BCAS4: variants seen among roughly 807,000 people sequenced by gnomAD.
The protein encoded by BCAS4 is breast carcinoma amplified sequence 4.
In BCAS4, 9 loss-of-function variants were observed where a neutral mutation model predicts 15.7. The observed-to-expected ratio is 0.57, with a 90% CI of 0.34 to 1.00. The LOEUF is 1.00. Among genes scored for constraint, BCAS4 ranks in the 50% least tolerant of loss-of-function variants. The pLI, the probability that BCAS4 is intolerant of heterozygous loss-of-function variation, is 0.02. For synonymous variants in BCAS4, 101 were observed against 99.5 expected, an observed-to-expected ratio of 1.02 and a Z score of -0.09; for missense variants, 225 against 239.1, an observed-to-expected ratio of 0.94 and a Z score of 0.39.
Position 50,866,933 on chromosome 20 carries a change from C to T in BCAS4, c.400-9553C>T, listed in dbSNP as rs548657559. Among the ~76,000 whole-genome samples, 72 of 152,120 alleles carry T rather than the reference C, an allele frequency of 4.7e-4. 1 individual carries two copies. The highest frequency in any genetic ancestry group is 8.7e-4 in the Non-Finnish European group (59 of 68,024). On this transcript the variant is annotated intron_variant, in intron 4 of 4. Transcript: ENST00000371608. ...CTCTGTGACCTTTCAGGTCCCATCG[C>T]GGGCCGGGCACTCTGTAAATGCTCC...
intron 4 of BCAS4, among the ~76,000 whole-genome samples, chr20:50,860,005 A>G (rs1978988593): frequency 6.6e-6 from 1 of 152,160 alleles, no homozygotes; most frequent in Admixed American, 6.5e-5. Context: ...GCATAGTAGC[A>G]TATGTCTGGG....
intron 4 of BCAS4, among the ~76,000 whole-genome samples, chr20:50,870,231 A>T (rs956750007): frequency 2.0e-5 from 3 of 152,226 alleles, no homozygotes; most frequent in African/African-American, 4.8e-5. Context: ...ACCCTGACCC[A>T]AAAACCAGGC....
rs1979977597 is a variant in BCAS4 at position 50,876,810 on chromosome 20, G to A, written c.*202G>A. 1 of 579,870 alleles carries A rather than the reference G, an allele frequency of 1.7e-6. No homozygotes were observed. Among genetic ancestry groups the A allele is most frequent in the East Asian group, 4.4e-5 (1 of 22,606 alleles). The allele number at this position is 579,870 out of a possible 1,614,324, so 35.9% of individuals were successfully genotyped here. A position where few individuals can be genotyped will look rare whatever the true frequency, so the allele number is the denominator to read the frequency against. On this transcript the variant is annotated 3_prime_UTR_variant, in exon 5 of 5. Coordinates refer to ENST00000371608, the MANE Select transcript of BCAS4 (RefSeq NM_198799.4). ...CCACCCACCTTGGCCTTCCAAAGTGGTGGGATTATGGGCAGGAGCCTCCGT... is the reference window on the plus strand; with the variant it reads ...CCACCCACCTTGGCCTTCCAAAGTGATGGGATTATGGGCAGGAGCCTCCGT...
intron 4 of BCAS4, among the ~76,000 whole-genome samples, chr20:50,857,209 G>A (rs1024668586): frequency 3.3e-5 from 5 of 152,100 alleles, no homozygotes; most frequent in Non-Finnish European, 7.4e-5. Flanking sequence ...TCAGCTCACC[G>A]CAACCTGGGC....
intron 3 of BCAS4, among the ~76,000 whole-genome samples, chr20:50,834,520 C>G (rs2088383710): frequency 6.6e-6 from 1 of 152,096 alleles, no homozygotes; most frequent in Non-Finnish European, 1.5e-5. Context: ...GTCTCGAACT[C>G]CTGACCTCAA....
chr20:50,842,940 T>C (rs895665740), intron 4 of BCAS4, among the ~76,000 whole-genome samples: 1 of 152,134 alleles, frequency 6.6e-6, no homozygotes, highest in Non-Finnish European at 1.5e-5. Context: ...TTATCTCCAC[T>C]TTATCACAGC....
intron 4 of BCAS4, among the ~76,000 whole-genome samples, chr20:50,856,827 G>A (rs560445818): frequency 6.6e-6 from 1 of 152,076 alleles, no homozygotes. Context: ...CACCTACTGT[G>A]TGCCAGGCCC....
At chr20:50,831,716 C>G (rs1267009372) in intron 3 of BCAS4, among the ~76,000 whole-genome samples, 1 of 152,122 alleles carries the variant, frequency 6.6e-6, no homozygotes, top group Non-Finnish European at 1.5e-5. Context: ...TGCAGACACT[C>G]TTCATCCACC....
chr20:50,876,258 CTCT>C (rs1398239972), intron 4 of BCAS4, among the ~76,000 whole-genome samples: 1 of 152,162 alleles, frequency 6.6e-6, no homozygotes, highest in East Asian at 1.9e-4. Flanking sequence ...GGCTGCCTGG[CTCT>C]TCTTGATGCC....
intron 4 of BCAS4, among the ~76,000 whole-genome samples, chr20:50,863,153 A>G (rs1386803370): frequency 6.6e-6 from 1 of 151,244 alleles, no homozygotes; most frequent in African/African-American, 2.4e-5. Flanking sequence ...TGAATGGATA[A>G]CAGCTGCCTG....
chr20:50,830,130 T>A (rs2088325751), intron 2 of BCAS4, 149 bp from the exon 3 acceptor site: 3 of 638,786 alleles, frequency 4.7e-6, no homozygotes, highest in Non-Finnish European at 8.1e-6. Flanking sequence ...CCTGGGGCTC[T>A]GAGTTGTTCT....
In BCAS4 at chr20:50,876,634, G is replaced by A. The variant is rs6091229; in HGVS notation, c.*26G>A. The A allele has an allele frequency of 0.026, 41,220 of 1,611,344 alleles. 4,041 individuals are homozygous for A. In the African/African-American group the frequency reaches 0.29, roughly 11 times the overall value. ...GCTTTGTGGTCTTCCCATCAGGAAC[G>A]CTGGAAAGTGACATTGTGTACACAC... On this transcript the variant is annotated 3_prime_UTR_variant, in exon 5 of 5. Transcript: ENST00000371608.
chr20:50,806,374 T>C (rs561285475), intron 1 of BCAS4, among the ~76,000 whole-genome samples: 2 of 152,322 alleles, frequency 1.3e-5, no homozygotes, highest in African/African-American at 4.8e-5. Context: ...TTCTCTCTCT[T>C]TCTCCCTTTC....
At chr20:50,798,544 C>G (rs1345835127) in intron 1 of BCAS4, among the ~76,000 whole-genome samples, 1 of 152,096 alleles carries the variant, frequency 6.6e-6, no homozygotes, top group Non-Finnish European at 1.5e-5. Flanking sequence ...AAAGCATATC[C>G]AAAATATTTC....
At chr20:50,799,576 C>T (rs537647439) in intron 1 of BCAS4, among the ~76,000 whole-genome samples, 1 of 152,210 alleles carries the variant, frequency 6.6e-6, no homozygotes, top group Non-Finnish European at 1.5e-5. Context: ...TTTGCCGCTT[C>T]CATGGAGCAG....
chr20:50,834,728 G>A lies in BCAS4; in HGVS notation c.264+4348G>A, dbSNP rs545348936. ...TATTAGCAACCATTCCCCAGCCCCC[G>A]GCTCTGGCAACCACTCATCTACTTT... On this transcript the variant is annotated intron_variant, in intron 3 of 4. Coordinates refer to ENST00000371608, the MANE Select transcript of BCAS4 (RefSeq NM_198799.4). Among the ~76,000 whole-genome samples, 240 of 152,268 alleles carry A rather than the reference G, an allele frequency of 1.6e-3. 1 individual carries two copies. The highest frequency in any genetic ancestry group is 2.7e-3 in the Non-Finnish European group (181 of 68,022).
intron 3 of BCAS4, among the ~76,000 whole-genome samples, chr20:50,840,201 A>C (rs2088459551): frequency 6.6e-6 from 1 of 152,038 alleles, no homozygotes; most frequent in South Asian, 2.1e-4. Context: ...ATTTATTTTA[A>C]TTTTATTTAT....
chr20:50,857,043 T>A (rs372508358), intron 4 of BCAS4, among the ~76,000 whole-genome samples: 1 of 152,274 alleles, frequency 6.6e-6, no homozygotes, highest in East Asian at 1.9e-4. Context: ...ACGTTTGTGC[T>A]GTTCACAAGC....
chr20:50,831,953 G>C (rs1198163727), intron 3 of BCAS4, among the ~76,000 whole-genome samples: 1 of 152,220 alleles, frequency 6.6e-6, no homozygotes, highest in East Asian at 1.9e-4. Flanking sequence ...CCTTGGAATA[G>C]CTGATTCATT....
Sources: allele counts gnomAD v4.1 joint callset (sites outside exome capture counted in the v4.1 genomes callset), GRCh38; gene constraint gnomAD v4.1.1; transcripts MANE v1.5; gene names NCBI Gene and HGNC (gene_info 2026-07-23, HGNC 2026-07-21).